The following RNF169 variants were observed in gnomAD, a reference collection of about 807,000 sequenced individuals.
RNF169 encodes the protein E3 ubiquitin-protein ligase RNF169.
A neutral mutation model predicts 53.9 loss-of-function variants in RNF169; 24 were observed. That is an observed-to-expected ratio of 0.45 (90% CI 0.32 to 0.63). The LOEUF (loss-of-function observed/expected upper bound fraction) is 0.63. Among genes scored for constraint, RNF169 ranks in the 20% least tolerant of loss-of-function variants. The pLI, the probability that RNF169 is intolerant of heterozygous loss-of-function variation, is 0.04. For missense variants in RNF169, 883 were observed against 906.2 expected (o/e 0.97, Z 0.33); for synonymous variants, 396 against 363.5 (o/e 1.09, Z -1.02).
chr11:74,780,811 T>A (rs2035406577), intron 1 of RNF169, among the ~76,000 whole-genome samples: 1 of 152,188 alleles, frequency 6.6e-6, no homozygotes, highest in Middle Eastern at 3.2e-3. Flanking sequence ...ATTTCAGACA[T>A]TTGTGGATTC....
intron 1 of RNF169, among the ~76,000 whole-genome samples, chr11:74,774,411 C>T (rs964406027): frequency 6.6e-6 from 1 of 151,402 alleles, no homozygotes; most frequent in Admixed American, 6.6e-5. Flanking sequence ...CCAGTTTATC[C>T]CAGATTGATA....
intron 2 of RNF169, chr11:74,808,010 G>A (rs996251708): frequency 4.6e-5 from 7 of 152,054 alleles, no homozygotes; most frequent in East Asian, 1.9e-4. Context: ...TCAGCATTGC[G>A]GTGAAAATGT....
At chr11:74,781,497 A>G (rs539828801) in intron 1 of RNF169, among the ~76,000 whole-genome samples, 1 of 152,360 alleles carries the variant, frequency 6.6e-6, no homozygotes, top group South Asian at 2.1e-4. Flanking sequence ...AAGGACATTT[A>G]GGTTGTTCCC....
At chr11:74,756,348 A>T (rs1444418540) in intron 1 of RNF169, among the ~76,000 whole-genome samples, 1 of 152,208 alleles carries the variant, frequency 6.6e-6, no homozygotes, top group African/African-American at 2.4e-5. Flanking sequence ...AAACCTGGAG[A>T]CAGACTACCT....
chr11:74,824,656 T>G (rs769839786), intron 4 of RNF169, among the ~76,000 whole-genome samples: 1 of 152,124 alleles, frequency 6.6e-6, no homozygotes, highest in South Asian at 2.1e-4. Flanking sequence ...GTTTGAAATA[T>G]TGTGAGAATT....
chr11:74,824,910 A>G (rs2036070497), intron 4 of RNF169, among the ~76,000 whole-genome samples: 1 of 152,214 alleles, frequency 6.6e-6, no homozygotes, highest in South Asian at 2.1e-4. Context: ...TGCAATTAAG[A>G]GGAGGAGATT....
intron 4 of RNF169, among the ~76,000 whole-genome samples, chr11:74,826,697 A>T (rs2036102579): frequency 6.6e-6 from 1 of 152,250 alleles, no homozygotes; most frequent in Non-Finnish European, 1.5e-5. Context: ...ACCGATTTCC[A>T]TTGGGAGAAA....
intron 2 of RNF169, among the ~76,000 whole-genome samples, chr11:74,791,349 GGCTTCAGGTCATCCCCA>G (rs1938971426): frequency 1.4e-5 from 2 of 142,926 alleles, no homozygotes; most frequent in Non-Finnish European, 3.1e-5. Flanking sequence ...CCCAGCCCCT[GGCTTCAGGTCATCCCCA>G]GCTTGAAGGT....
intron 1 of RNF169, among the ~76,000 whole-genome samples, chr11:74,755,606 G>A (rs1437262615): frequency 6.6e-6 from 1 of 152,206 alleles, no homozygotes; most frequent in East Asian, 1.9e-4. Flanking sequence ...GTTAAGTGAG[G>A]TAAACAGACA....
At chr11:74,783,225 A>ATCTTG (rs1452611398) in intron 1 of RNF169, among the ~76,000 whole-genome samples, 1 of 150,286 alleles carries the variant, frequency 6.7e-6, no homozygotes, top group Non-Finnish European at 1.5e-5. Flanking sequence ...CAACATGCCT[A>ATCTTG]TCTTGTAGTT....
rs1049782162 is a variant in RNF169 at position 74,834,921 on chromosome 11, T to C, written c.942+146T>C. 19 of 556,432 alleles carry C rather than the reference T, an allele frequency of 3.4e-5. 1 individual carries two copies. In the African/African-American group the frequency reaches 3.4e-4, roughly 10 times the overall value. The allele number at this position is 556,432 out of a possible 1,614,324, so 34.5% of individuals were successfully genotyped here. A position where few individuals can be genotyped will look rare whatever the true frequency, so the allele number is the denominator to read the frequency against. On this transcript the variant is annotated intron_variant, in intron 5 of 5. Coordinates refer to ENST00000299563, the MANE Select transcript of RNF169 (RefSeq NM_001098638.2). ...TATATTGGAGAAGTCCACAAACAGATGTGAAGGAAGAAAGTTTGAATTAGT... is the reference window on the plus strand; with the variant it reads ...TATATTGGAGAAGTCCACAAACAGACGTGAAGGAAGAAAGTTTGAATTAGT...
At chr11:74,764,225 C>G (rs1434192882) in intron 1 of RNF169, among the ~76,000 whole-genome samples, 2 of 152,224 alleles carry the variant, frequency 1.3e-5, no homozygotes, top group Non-Finnish European at 2.9e-5. Context: ...GAATTTCATA[C>G]TCAGGTGAGT....
chr11:74,819,835 A>G (rs572687906), intron 4 of RNF169, among the ~76,000 whole-genome samples: 5 of 152,334 alleles, frequency 3.3e-5, no homozygotes, highest in East Asian at 3.9e-4. Context: ...TATAGATGCT[A>G]TAAAAGAAAG....
At position 74,758,344 on chromosome 11, in the gene RNF169, T is replaced by C. The variant is rs1056918711; in HGVS notation, c.502+8962T>C. Among the ~76,000 whole-genome samples the C allele has an allele frequency of 8.1e-5, 12 of 147,320 alleles. 1 individual carries two copies. Among genetic ancestry groups the C allele is most frequent in the African/African-American group, 2.8e-4 (11 of 38,970 alleles). On this transcript the variant is annotated intron_variant, in intron 1 of 5. Transcript: ENST00000299563. ...CGTTATTTCTGAGGGCTCTGTTCTG[T>C]TCCATTGATCTATATCTCTGTTTTG...
intron 1 of RNF169, 54 bp from the exon 2 acceptor site, chr11:74,789,572 T>TG: frequency 8.8e-7 from 1 of 1,139,274 alleles, no homozygotes; most frequent in Non-Finnish European, 1.3e-6. Context: ...GTGCCTCCTG[T>TG]GGGTCTTCCT....
intron 1 of RNF169, among the ~76,000 whole-genome samples, chr11:74,780,234 TTTA>T (rs2035397449): frequency 6.6e-6 from 1 of 152,230 alleles, no homozygotes; most frequent in Admixed American, 6.5e-5. Context: ...TGTTCTGCTT[TTTA>T]TTATGTCCCT....
intron 3 of RNF169, among the ~76,000 whole-genome samples, chr11:74,816,033 A>C (rs2035937672): frequency 6.6e-6 from 1 of 151,778 alleles, no homozygotes; most frequent in Non-Finnish European, 1.5e-5. Context: ...ATGATACCCT[A>C]CAAAATTGAA....
rs139097147 is a variant in RNF169, at chr11:74,810,085, G to T, written c.577-99G>T. 2.4e-3 allele frequency: 2,516 copies of T among 1,034,978 alleles called. 46 individuals are homozygous for T. The East Asian group carries it at 0.042, about 17-fold the overall frequency. 64.1% of individuals were successfully genotyped at this position (1,034,978 alleles called of 1,614,324 possible). On this transcript the variant is annotated intron_variant, in intron 2 of 5. Coordinates refer to ENST00000299563, the MANE Select transcript of RNF169 (RefSeq NM_001098638.2). ...TGATAAGAAAAACAGTCTCAAAACT[G>T]CCATGTGATCTGTTTGTTCTAATAA...
chr11:74,760,213 T>G (rs2035058917), intron 1 of RNF169, among the ~76,000 whole-genome samples: 2 of 152,004 alleles, frequency 1.3e-5, no homozygotes. Context: ...TTTTCTTTAT[T>G]AGTCTTGCTA....
Sources: allele counts gnomAD v4.1 joint callset (sites outside exome capture counted in the v4.1 genomes callset), GRCh38; gene constraint gnomAD v4.1.1; transcripts MANE v1.5; gene names NCBI Gene and HGNC (gene_info 2026-07-23, HGNC 2026-07-21).